The following CSMD1 variants were observed in gnomAD, a reference collection of about 807,000 sequenced individuals.
CSMD1 encodes the protein CUB and Sushi multiple domains 1.
A neutral mutation model predicts 417.5 loss-of-function variants in CSMD1; 213 were observed. That is an observed-to-expected ratio of 0.51 (90% CI 0.46 to 0.57). CSMD1 has a LOEUF of 0.57. CSMD1 is among the 20% of genes least tolerant of loss of function. The pLI, the probability that CSMD1 is intolerant of heterozygous loss-of-function variation, is 0.00. For synonymous variants in CSMD1, 2,862 were observed against 1,736.8 expected, an observed-to-expected ratio of 1.65 and a Z score of -16.11; for missense variants, 6,923 against 4,529.7, an observed-to-expected ratio of 1.53 and a Z score of -15.17.
intron 5 of CSMD1, among the ~76,000 whole-genome samples, chr8:3,790,974 A>T (rs1799705383): frequency 6.6e-6 from 1 of 152,294 alleles, no homozygotes; most frequent in African/African-American, 2.4e-5. Context: ...GGTCAAAAAT[A>T]TTCTTCAATT....
chr8:3,774,124 G>A (rs541323340), intron 5 of CSMD1, among the ~76,000 whole-genome samples: 1 of 152,242 alleles, frequency 6.6e-6, no homozygotes, highest in East Asian at 1.9e-4. Context: ...TCCCTCTTAG[G>A]TTTGAGCATA....
At chr8:4,421,915 ATAAT>A (rs1285346667) in intron 2 of CSMD1, among the ~76,000 whole-genome samples, 2 of 152,102 alleles carry the variant, frequency 1.3e-5, no homozygotes, top group Non-Finnish European at 2.9e-5. Flanking sequence ...GACTGACTAA[ATAAT>A]TGGGAGTTTC....
At chr8:3,720,509 G>C (rs1434229214) in intron 6 of CSMD1, among the ~76,000 whole-genome samples, 5 of 152,064 alleles carry the variant, frequency 3.3e-5, no homozygotes, top group African/African-American at 1.2e-4. Context: ...CTTCCTTTCT[G>C]CTGCCATAGA....
intron 37 of CSMD1, among the ~76,000 whole-genome samples, chr8:3,179,094 C>CA (rs1554452987): frequency 1.3e-5 from 2 of 151,662 alleles, no homozygotes; most frequent in Non-Finnish European, 2.9e-5. Flanking sequence ...ACTACAGGCC[C>CA]GCCACCACGC....
chr8:4,324,827 A>C (rs918276580), intron 3 of CSMD1, among the ~76,000 whole-genome samples: 2 of 152,234 alleles, frequency 1.3e-5, no homozygotes, highest in African/African-American at 2.4e-5. Context: ...AGAGAACATA[A>C]GCAAGACAAA....
intron 5 of CSMD1, among the ~76,000 whole-genome samples, chr8:3,819,645 G>T (rs1801607030): frequency 6.6e-6 from 1 of 152,072 alleles, no homozygotes; most frequent in South Asian, 2.1e-4. Flanking sequence ...GTACAGTGGA[G>T]CAATCATGAC....
chr8:4,621,567 C>G (rs1188670454), intron 2 of CSMD1, among the ~76,000 whole-genome samples: 1 of 151,998 alleles, frequency 6.6e-6, no homozygotes, highest in Non-Finnish European at 1.5e-5. Flanking sequence ...TTTAAGATTT[C>G]TAAAAGAAAA....
intron 9 of CSMD1, among the ~76,000 whole-genome samples, chr8:3,584,925 G>C (rs1800533592): frequency 6.6e-6 from 1 of 152,140 alleles, no homozygotes; most frequent in South Asian, 2.1e-4. Flanking sequence ...TCTTATGTTA[G>C]AATTGAAAAA....
At chr8:3,990,824 G>A (rs1366399049) in intron 5 of CSMD1, among the ~76,000 whole-genome samples, 2 of 152,088 alleles carry the variant, frequency 1.3e-5, no homozygotes, top group South Asian at 2.1e-4. Flanking sequence ...TAGGGTATAC[G>A]CTCCTGGTAG....
chr8:4,010,328 A>T lies in CSMD1; in HGVS notation c.611-12218T>A, dbSNP rs552019744. Among the ~76,000 whole-genome samples, 58 of 152,258 alleles carry T rather than the reference A, an allele frequency of 3.8e-4. 2 individuals are homozygous for T. Among genetic ancestry groups the T allele is most frequent in the Admixed American group, 1.9e-3 (29 of 15,296 alleles). ...CACCCTCTGCCTTGTAGTCATCTAC[A>T]AACCCCTACTTGAAATCCACTATTC... On this transcript the variant is annotated intron_variant, in intron 4 of 69. Transcript: ENST00000635120.
chr8:3,891,697 A>AG (rs1372234815), intron 5 of CSMD1, among the ~76,000 whole-genome samples: 2 of 151,634 alleles, frequency 1.3e-5, no homozygotes, highest in African/African-American at 4.8e-5. Context: ...CGAAAAAAAA[A>AG]GGATTAACTC....
chr8:2,990,444 C>A (rs1001415710), intron 54 of CSMD1, among the ~76,000 whole-genome samples: 1 of 152,168 alleles, frequency 6.6e-6, no homozygotes, highest in East Asian at 1.9e-4. Flanking sequence ...TCAGGGTATC[C>A]CCTAAACCCA....
chr8:4,225,788 A>T (rs1469040454), intron 3 of CSMD1, among the ~76,000 whole-genome samples: 1 of 152,162 alleles, frequency 6.6e-6, no homozygotes, highest in Admixed American at 6.6e-5. Flanking sequence ...TTCAGAGTGA[A>T]ATTAATATTT....
chr8:3,042,861 G>A (rs2086841), intron 50 of CSMD1, among the ~76,000 whole-genome samples: 6,005 of 151,870 alleles, frequency 0.04, 406 homozygotes, highest in African/African-American at 0.13. Flanking sequence ...AGGATTATAC[G>A]TACACAGAGT....
At chr8:4,225,503 C>CTTT (rs11356680) in intron 3 of CSMD1, among the ~76,000 whole-genome samples, 6 of 141,732 alleles carry the variant, frequency 4.2e-5, no homozygotes, top group African/African-American at 1.0e-4. Flanking sequence ...CAACTCATCA[C>CTTT]TTTTTTTTTT....
intron 3 of CSMD1, among the ~76,000 whole-genome samples, chr8:4,092,952 A>C (rs533871661): frequency 4.6e-5 from 7 of 151,970 alleles, no homozygotes; most frequent in African/African-American, 1.7e-4. Flanking sequence ...TCTTCCTGTC[A>C]CTCCTCTCTG....
At chr8:3,298,902 T>C (rs1256689098) in intron 25 of CSMD1, among the ~76,000 whole-genome samples, 2 of 152,184 alleles carry the variant, frequency 1.3e-5, no homozygotes, top group African/African-American at 4.8e-5. Context: ...TCTGGTTACA[T>C]GGGGGTGTTT....
intron 2 of CSMD1, among the ~76,000 whole-genome samples, chr8:4,605,141 C>T (rs1800799938): frequency 6.6e-6 from 1 of 152,170 alleles, no homozygotes; most frequent in African/African-American, 2.4e-5. Context: ...TATTATGTCA[C>T]CGTGTTCACA....
At chr8:4,583,284 C>G (rs2725035) in intron 2 of CSMD1, among the ~76,000 whole-genome samples, 47,072 of 152,134 alleles carry the variant, frequency 0.31, 7,376 homozygotes, top group South Asian at 0.33. Flanking sequence ...GTGAAGCCAG[C>G]TGCGCTCCTG....
Sources: gnomAD v4.1 joint callset for allele counts (sites outside exome capture counted in the v4.1 genomes callset) on GRCh38, gnomAD v4.1.1 for gene constraint, MANE v1.5 for transcripts, NCBI Gene and HGNC (gene_info 2026-07-23, HGNC 2026-07-21) for gene names.